Variants in NHS observed in about 807,000 individuals in gnomAD.
NHS encodes the protein NHS actin remodeling regulator.
In NHS, 5 loss-of-function variants were observed where a neutral mutation model predicts 72.5. That is an observed-to-expected ratio of 0.07 (90% CI 0.04 to 0.14). NHS has a LOEUF of 0.14. Ranked by LOEUF, NHS falls within the 10% of genes least tolerant of loss-of-function variation. NHS has a pLI of 1.00. For synonymous variants in NHS, 464 were observed against 547.7 expected (o/e 0.85, Z 2.13); for missense variants, 1,072 against 1,355.7 (o/e 0.79, Z 3.29).
intron 1 of NHS, among the ~76,000 whole-genome samples, chrX:17,620,313 T>C (rs762641707): frequency 1.8e-5 from 2 of 112,177 alleles, no homozygotes; most frequent in Non-Finnish European, 3.8e-5. Context: ...AACTAATTGG[T>C]AGCCCAAATT....
At chrX:17,629,589 A>G (rs1341826827) in intron 1 of NHS, among the ~76,000 whole-genome samples, 2 of 111,757 alleles carry the variant, frequency 1.8e-5, no homozygotes, top group Admixed American at 9.5e-5. Context: ...GACGGCTTCA[A>G]TGGACACTGG....
rs776852688 is a variant in NHS at position 17,695,527 on chromosome X, C to A, written c.852+3059C>A. 9.0e-5 allele frequency among the ~76,000 whole-genome samples: 10 copies of A among 111,570 alleles called. No homozygotes were observed. In the South Asian group the frequency reaches 3.8e-3, roughly 42 times the overall value. On this transcript the variant is annotated intron_variant, in intron 3 of 8. Transcript: ENST00000676302. ...GAGTGTATATGTATGTGTACATATA[C>A]ATACGCATAGGGGGAAAAGGCTGGA... is the stretch of plus-strand genomic sequence containing the variant.
chrX:17,412,454 G>A (rs2064564849), intron 1 of NHS, among the ~76,000 whole-genome samples: 1 of 109,939 alleles, frequency 9.1e-6, no homozygotes, highest in Non-Finnish European at 1.9e-5. Context: ...AAAATCAGCT[G>A]GGTGTGGTGG....
intron 1 of NHS, among the ~76,000 whole-genome samples, chrX:17,549,087 AG>A (rs2065312134): frequency 1.2e-5 from 1 of 80,924 alleles, no homozygotes. Context: ...GAAGAAAGGG[AG>A]GGGGAGACCT....
rs779779875 is a variant in NHS, at chrX:17,615,474, A to G, written c.566-72268A>G. Among the ~76,000 whole-genome samples the G allele has an allele frequency of 4.6e-4, 48 of 104,434 alleles. 1 individual carries two copies. The highest frequency in any genetic ancestry group is 4.6e-3 in the Admixed American group (44 of 9,611). The allele number at this position is 104,434 out of a possible 115,157, so 90.7% of individuals were successfully genotyped here. A position where few individuals can be genotyped will look rare whatever the true frequency, so the allele number is the denominator to read the frequency against. The stretch of plus-strand genomic sequence containing the variant: ...TCCATATTGTCCAGGCTGGTCTCCA[A>G]CTCCTGGGATCAAGCCTCCTACCTC... On this transcript the variant is annotated intron_variant, in intron 1 of 8. Coordinates refer to ENST00000676302, the MANE Select transcript of NHS (RefSeq NM_001291867.2).
chrX:17,503,852 T>C (rs1242404670), intron 1 of NHS, among the ~76,000 whole-genome samples: 2 of 111,377 alleles, frequency 1.8e-5, no homozygotes, highest in Non-Finnish European at 3.8e-5. Context: ...TTAAGTCCCA[T>C]GCCCAGCCAT....
Position 17,379,634 on chromosome X carries a change from G to A in NHS, c.565+3312G>A, listed in dbSNP as rs772782441. Among the ~76,000 whole-genome samples, 467 of 111,285 alleles carry A rather than the reference G, an allele frequency of 4.2e-3. 3 individuals carry two copies. Among genetic ancestry groups the A allele is most frequent in the African/African-American group, 0.015 (444 of 30,615 alleles). Reference sequence around the variant, plus strand: ...TACTAAAAATACAAAAATTAGCCAGGCGTGGTGGCAGGCGCCTGTAATCCC... The same window carrying A: ...TACTAAAAATACAAAAATTAGCCAGACGTGGTGGCAGGCGCCTGTAATCCC... On this transcript the variant is annotated intron_variant, in intron 1 of 8. Transcript: ENST00000676302.
chrX:17,396,385 T>C (rs2064474900), intron 1 of NHS, among the ~76,000 whole-genome samples: 2 of 111,708 alleles, frequency 1.8e-5, no homozygotes, highest in African/African-American at 6.5e-5. Flanking sequence ...TTCTATTTCT[T>C]TTCTCTTCTC....
intron 1 of NHS, among the ~76,000 whole-genome samples, chrX:17,648,433 G>A (rs1286595462): frequency 3.6e-5 from 4 of 112,104 alleles, no homozygotes; most frequent in African/African-American, 6.5e-5. Context: ...CACTTCCACC[G>A]CATTCTTCTG....
chrX:17,711,318 T>C (rs1379911816), intron 3 of NHS, among the ~76,000 whole-genome samples: 2 of 111,401 alleles, frequency 1.8e-5, no homozygotes, highest in Non-Finnish European at 3.8e-5. Context: ...GAGCAATTCC[T>C]GGGAATAAAT....
At chrX:17,628,941 A>T (rs1180299005) in intron 1 of NHS, among the ~76,000 whole-genome samples, 3 of 112,908 alleles carry the variant, frequency 2.7e-5, no homozygotes, top group Non-Finnish European at 5.6e-5. Flanking sequence ...AAACCATTAC[A>T]TTTATCATTA....
chrX:17,655,111 G>C (rs1233196049), intron 1 of NHS, among the ~76,000 whole-genome samples: 2 of 111,942 alleles, frequency 1.8e-5, no homozygotes, highest in South Asian at 7.5e-4. Context: ...CACATTTTTC[G>C]GGTGCTCTAG....
chrX:17,604,543 A>G (rs2065669742), intron 1 of NHS, among the ~76,000 whole-genome samples: 1 of 112,022 alleles, frequency 8.9e-6, no homozygotes, highest in Non-Finnish European at 1.9e-5. Flanking sequence ...CCATGCCTCT[A>G]GGAATGAGGA....
At chrX:17,545,619 A>T in intron 1 of NHS, among the ~76,000 whole-genome samples, 1 of 111,696 alleles carries the variant, frequency 9.0e-6, no homozygotes, top group Non-Finnish European at 1.9e-5. Context: ...TTGTTCAATA[A>T]ATATTTTTGG....
At chrX:17,684,968 G>A (rs1314254711) in intron 1 of NHS, among the ~76,000 whole-genome samples, 1 of 112,445 alleles carries the variant, frequency 8.9e-6, no homozygotes, top group Non-Finnish European at 1.9e-5. Context: ...GCCATGGTGA[G>A]ATTGTTAAAA....
chrX:17,685,538 G>T (rs892881721), intron 1 of NHS, among the ~76,000 whole-genome samples: 1 of 111,459 alleles, frequency 9.0e-6, no homozygotes, highest in African/African-American at 3.3e-5. Context: ...GCACTGGCTT[G>T]CCCAACAAGC....
intron 1 of NHS, among the ~76,000 whole-genome samples, chrX:17,388,483 G>C (rs191614512): frequency 4.9e-4 from 54 of 110,730 alleles, no homozygotes; most frequent in African/African-American, 1.7e-3. Context: ...GACTGCTGGA[G>C]GAAGAGTGTT....
rs747162168 is a variant in NHS at position 17,433,959 on chromosome X, G to A, written c.565+57637G>A. 3.3e-4 allele frequency among the ~76,000 whole-genome samples: 37 copies of A among 111,907 alleles called. No individual in the cohort carries two copies. The East Asian group carries it at 9.6e-3, about 29-fold the overall frequency. On this transcript the variant is annotated intron_variant, in intron 1 of 8. Coordinates refer to ENST00000676302, the MANE Select transcript of NHS (RefSeq NM_001291867.2). Reference sequence around the variant, plus strand: ...ACTCATACCAATGTGGGCTAGCAGCGGGTGGAGAAGGGTGCTAGGCTACAT... The same window carrying A: ...ACTCATACCAATGTGGGCTAGCAGCAGGTGGAGAAGGGTGCTAGGCTACAT...
rs775690686 is a variant in NHS at position 17,491,728 on chromosome X, C to T, written c.565+115406C>T. Among the ~76,000 whole-genome samples the T allele has an allele frequency of 9.1e-4, 95 of 104,180 alleles. 2 individuals carry two copies. The highest frequency in any genetic ancestry group is 6.3e-4 in the African/African-American group (18 of 28,414). 90.5% of individuals were successfully genotyped at this position (104,180 alleles called of 115,157 possible). A position where few individuals can be genotyped will look rare whatever the true frequency, so the allele number is the denominator to read the frequency against. ...TCCTCCTTGTATCTCTGGTTGAATT[C>T]GGCTGTGAATCCACCTGGTCCTGGG... On this transcript the variant is annotated intron_variant, in intron 1 of 8. Coordinates refer to ENST00000676302, the MANE Select transcript of NHS (RefSeq NM_001291867.2).
Sources: gnomAD v4.1 joint callset for allele counts (sites outside exome capture counted in the v4.1 genomes callset) on GRCh38, gnomAD v4.1.1 for gene constraint, MANE v1.5 for transcripts, NCBI Gene and HGNC (gene_info 2026-07-23, HGNC 2026-07-21) for gene names.